Variants in EAPP observed in about 807,000 individuals in gnomAD.
EAPP encodes E2F-associated phosphoprotein.
A neutral mutation model predicts 34.3 loss-of-function variants in EAPP; 38 were observed. The ratio of observed to expected loss-of-function variants is 1.11; its 90% CI spans 0.85 to 1.45. The LOEUF (loss-of-function observed/expected upper bound fraction) is 1.45. EAPP is among the 40% of genes most tolerant of loss of function. The pLI is 0.00. For synonymous variants in EAPP, 113 were observed against 117.6 expected (o/e 0.96, Z 0.25); for missense variants, 338 against 343.7 (o/e 0.98, Z 0.13).
At chr14:34,535,327 G>A (rs1454382374) in intron 2 of EAPP, among the ~76,000 whole-genome samples, 4 of 149,420 alleles carry the variant, frequency 2.7e-5, no homozygotes, top group East Asian at 2.0e-4. Context: ...ACGGGGTTTC[G>A]CCATGGTGGC....
rs377158623 is a variant in EAPP, at chr14:34,539,515, G to C, written c.74+40C>G. ...ATGGAGGCGACCAAAGCCAGGCCTC[G>C]ACCCAAATCCTCGGGGGCCAGGGTG... is the stretch of plus-strand genomic sequence containing the variant. On this transcript the variant is annotated intron_variant, in intron 1 of 5. Coordinates refer to ENST00000250454, the MANE Select transcript of EAPP (RefSeq NM_018453.4). 5 of 1,595,728 alleles carry C rather than the reference G, an allele frequency of 3.1e-6. No homozygotes were observed. In the African/African-American group the frequency reaches 5.3e-5, roughly 17 times the overall value.
At chr14:34,535,215 C>T (rs1452175338) in intron 2 of EAPP, among the ~76,000 whole-genome samples, 6 of 150,244 alleles carry the variant, frequency 4.0e-5, no homozygotes, top group East Asian at 4.0e-4. Flanking sequence ...CTGCAACCTC[C>T]GCCTTCCGGG....
intron 5 of EAPP, among the ~76,000 whole-genome samples, 162 bp from the exon 6 acceptor site, chr14:34,516,748 AAGAATAATTAAAACTTGTG>A (rs1475405532): frequency 1.9e-4 from 29 of 152,190 alleles, no homozygotes; most frequent in Admixed American, 1.3e-3. Context: ...CAGTTGTTTT[AAGAATAATTAAAACTTGTG>A]AACACAGCTC....
chr14:34,530,966 GA>G lies in EAPP; in HGVS notation c.353-1492del, dbSNP rs1304285203. The stretch of plus-strand genomic sequence containing the variant: ...AAGAGGAAAAAAACAAAAAAAAAGA[GA>G]AAAAAAAAAACTATGGCCATCTACA... On this transcript the variant is annotated intron_variant, in intron 3 of 5. Coordinates refer to ENST00000250454, the MANE Select transcript of EAPP (RefSeq NM_018453.4). Among the ~76,000 whole-genome samples the G allele has an allele frequency of 8.6e-3, 1,027 of 119,872 alleles. 13 individuals carry two copies. The highest frequency in any genetic ancestry group is 0.029 in the African/African-American group (973 of 33,008). 78.6% of individuals were successfully genotyped at this position (119,872 alleles called of 152,430 possible).
At position 34,520,225 on chromosome 14, in the gene EAPP, T is replaced by C. The variant is rs1474701812; in HGVS notation, c.582-3639A>G. Among the ~76,000 whole-genome samples, 17 of 150,488 alleles carry C rather than the reference T, an allele frequency of 1.1e-4. No homozygotes were observed. The Admixed American group carries it at 1.1e-3, about 10-fold the overall frequency. ...TCTCTCTTTATTTTTTTCTTCTTTT[T>C]TTGAGACAGAGTCTCACTCTGTCAC... is the stretch of plus-strand genomic sequence containing the variant. On this transcript the variant is annotated intron_variant, in intron 5 of 5. Coordinates refer to ENST00000250454, the MANE Select transcript of EAPP (RefSeq NM_018453.4).
At chr14:34,527,996 C>A (rs1456827225) in intron 4 of EAPP, among the ~76,000 whole-genome samples, 1 of 151,220 alleles carries the variant, frequency 6.6e-6, no homozygotes, top group Non-Finnish European at 1.5e-5. Flanking sequence ...CTGCTCCTTG[C>A]AGAGCAGGGC....
intron 4 of EAPP, 47 bp from the exon 5 acceptor site, chr14:34,524,854 T>C (rs774687157): frequency 6.8e-7 from 1 of 1,461,258 alleles, no homozygotes; most frequent in South Asian, 1.1e-5. Flanking sequence ...TAAAACCAGA[T>C]CTTGGTTTCT....
intron 5 of EAPP, among the ~76,000 whole-genome samples, chr14:34,522,467 T>G (rs2138887552): frequency 6.6e-6 from 1 of 152,288 alleles, no homozygotes; most frequent in East Asian, 1.9e-4. Context: ...ATGGTTCCAT[T>G]TGCTACTGTG....
At chr14:34,524,285 A>T (rs1339498403) in intron 5 of EAPP, among the ~76,000 whole-genome samples, 2 of 152,140 alleles carry the variant, frequency 1.3e-5, no homozygotes, top group Admixed American at 1.3e-4. Context: ...AGCCACTTGG[A>T]GGCTGAGGCA....
intron 5 of EAPP, among the ~76,000 whole-genome samples, chr14:34,517,103 A>G (rs1432459328): frequency 6.6e-6 from 1 of 151,358 alleles, no homozygotes; most frequent in African/African-American, 2.4e-5. Context: ...ATGCCTGGCT[A>G]ATTTTTTTGT....
chr14:34,533,457 A>G lies in EAPP; in HGVS notation c.339T>C (p.Asp113=). 6.2e-7 allele frequency: 1 copy of G among 1,611,912 alleles called. No individual in the cohort carries two copies. The highest frequency in any genetic ancestry group is 1.7e-5 in the Admixed American group (1 of 59,506). ...DDIYFDSDSE[D]EDRAVQVTKK... Reference sequence around the variant, plus strand: ...TAGGTTACTTACCTGCTCTGTCTTCATCCTCGGAATCAGAATCAAAATATA... The same window carrying G: ...TAGGTTACTTACCTGCTCTGTCTTCGTCCTCGGAATCAGAATCAAAATATA... The change falls in exon 3 of 6, where the codon GAT becomes GAC. Residue 113 remains aspartate (D), a synonymous_variant. Coordinates refer to ENST00000250454, the MANE Select transcript of EAPP (RefSeq NM_018453.4).
At chr14:34,520,373 C>G (rs752812154) in intron 5 of EAPP, among the ~76,000 whole-genome samples, 5 of 150,410 alleles carry the variant, frequency 3.3e-5, no homozygotes, top group Non-Finnish European at 7.4e-5. Context: ...ACACGCCCAG[C>G]TAATTTTTGT....
chr14:34,539,417 G>T, intron 1 of EAPP, 138 bp downstream of exon 1: 1 of 930,692 alleles, frequency 1.1e-6, no homozygotes, highest in Non-Finnish European at 1.7e-6. Context: ...AAAGCCCTTT[G>T]GCTTCGCACA....
rs759733040 is a variant in EAPP, at chr14:34,536,201, G to C, written c.149C>G (p.Thr50Ser). 4.3e-6 allele frequency: 7 copies of C among 1,612,290 alleles called. No homozygotes were observed. Among genetic ancestry groups the C allele is most frequent in the Non-Finnish European group, 5.9e-6 (7 of 1,179,498 alleles). The change falls in exon 2 of 6, where the codon ACC becomes AGC. Residue 50 changes from threonine (T) to serine (S), a missense_variant. Transcript: ENST00000250454. Reference protein sequence around the residue: ...QKRKLIRECLTGESESSSEDE... With the variant: ...QKRKLIRECLSGESESSSEDE... The stretch of plus-strand genomic sequence containing the variant: ...TTCACTAGATGATTCACTTTCTCCG[G>C]TAAGACATTCTCTGATGAGTTTTCG...
intron 4 of EAPP, among the ~76,000 whole-genome samples, chr14:34,525,969 G>A (rs777883676): frequency 1.3e-5 from 2 of 151,822 alleles, no homozygotes; most frequent in African/African-American, 4.8e-5. Context: ...GCAGTGAGCC[G>A]AGATCACGCC....
intron 1 of EAPP, among the ~76,000 whole-genome samples, chr14:34,537,173 C>T (rs1880507421): frequency 6.6e-6 from 1 of 152,024 alleles, no homozygotes; most frequent in African/African-American, 2.4e-5. Flanking sequence ...ACCATACCAG[C>T]TAATTTTTTG....
At chr14:34,524,550 A>AG in intron 5 of EAPP, 147 bp downstream of exon 5, 1 of 620,300 alleles carries the variant, frequency 1.6e-6, no homozygotes, top group East Asian at 2.8e-5. Flanking sequence ...CACGGGGCGG[A>AG]GGTTGCAGTG....
At chr14:34,525,652 G>A (rs1880069693) in intron 4 of EAPP, among the ~76,000 whole-genome samples, 1 of 152,026 alleles carries the variant, frequency 6.6e-6, no homozygotes, top group South Asian at 2.1e-4. Context: ...TATCCTACAC[G>A]GGGTCCTCAA....
intron 4 of EAPP, among the ~76,000 whole-genome samples, chr14:34,527,554 C>T (rs1054435415): frequency 4.6e-5 from 7 of 152,136 alleles, no homozygotes; most frequent in Admixed American, 4.6e-4. Flanking sequence ...ACAACACAAA[C>T]ATCCATCCCT....
Sources: allele counts gnomAD v4.1 joint callset (sites outside exome capture counted in the v4.1 genomes callset), GRCh38; gene constraint gnomAD v4.1.1; transcripts MANE v1.5; gene names NCBI Gene and HGNC (gene_info 2026-07-23, HGNC 2026-07-21).